Variants in ARHGEF10 observed in about 807,000 individuals in gnomAD.
ARHGEF10 encodes Rho guanine nucleotide exchange factor (GEF) 10.
Under a neutral mutation model 147.4 loss-of-function variants are expected in ARHGEF10, and 140 were observed. The observed-to-expected ratio is 0.95, with a 90% CI of 0.83 to 1.09. The LOEUF (loss-of-function observed/expected upper bound fraction) is 1.09. ARHGEF10 is among the 50% of genes least tolerant of loss of function. The pLI is 0.00. For missense variants in ARHGEF10, 2,222 were observed against 1,752.7 expected, an observed-to-expected ratio of 1.27 and a Z score of -4.78; for synonymous variants, 902 against 695.8, an observed-to-expected ratio of 1.30 and a Z score of -4.67.
intron 9 of ARHGEF10, among the ~76,000 whole-genome samples, chr8:1,881,486 G>A (rs944387507): frequency 3.9e-5 from 6 of 152,252 alleles, no homozygotes; most frequent in Non-Finnish European, 5.9e-5. Flanking sequence ...GGGAGGCAGG[G>A]GACATGGGTG....
intron 8 of ARHGEF10, among the ~76,000 whole-genome samples, chr8:1,877,472 C>T (rs1807806196): frequency 6.6e-6 from 1 of 152,202 alleles, no homozygotes; most frequent in African/African-American, 2.4e-5. Context: ...AGGTGATCTG[C>T]CCACCTCGGC....
At chr8:1,876,857 T>C in intron 8 of ARHGEF10, 123 bp downstream of exon 8, 1 of 1,123,686 alleles carries the variant, frequency 8.9e-7, no homozygotes, top group Non-Finnish European at 1.3e-6. Flanking sequence ...ATAAGTAGTT[T>C]GGGGAAAGCA....
intron 9 of ARHGEF10, among the ~76,000 whole-genome samples, chr8:1,880,779 C>T (rs1456131941): frequency 6.6e-6 from 1 of 152,160 alleles, no homozygotes; most frequent in East Asian, 1.9e-4. Context: ...TGCAATTGGA[C>T]CTTTTATCCT....
intron 26 of ARHGEF10, chr8:1,943,997 C>G (rs948213260): frequency 2.0e-5 from 3 of 151,464 alleles, no homozygotes; most frequent in Admixed American, 1.3e-4. Flanking sequence ...GCTCAAGACC[C>G]ACAGTGATGG....
rs1483572423 is a variant in ARHGEF10 at position 1,937,835 on chromosome 8, T to C, written c.3222+3893T>C. Among the ~76,000 whole-genome samples, 1 of 151,938 alleles carries C rather than the reference T, an allele frequency of 6.6e-6. No individual in the cohort carries two copies. The highest frequency in any genetic ancestry group is 2.4e-5 in the African/African-American group (1 of 41,378). ...GTGATCTGGGCTTGGGTTGAGCGGG[T>C]TGGGAGATGCTAGCCATATTTGGAA... On this transcript the variant is annotated intron_variant, in intron 26 of 28. Coordinates refer to ENST00000349830, the MANE Select transcript of ARHGEF10 (RefSeq NM_014629.4). This position sits in a 1 kb window ranked among gnomAD's most constrained non-coding sequence, Gnocchi z 4.9.
intron 7 of ARHGEF10, chr8:1,869,819 A>G (rs1402918487): frequency 5.7e-6 from 1 of 174,830 alleles, no homozygotes; most frequent in Non-Finnish European, 1.2e-5. Flanking sequence ...CCACTGACCC[A>G]CAGGCTGGGG....
chr8:1,829,556 C>A (rs544597690), intron 1 of ARHGEF10, among the ~76,000 whole-genome samples: 1 of 152,242 alleles, frequency 6.6e-6, no homozygotes, highest in East Asian at 1.9e-4. Context: ...CCCTGACCCA[C>A]GTCCAGCTGC....
intron 14 of ARHGEF10, among the ~76,000 whole-genome samples, chr8:1,897,561 G>A (rs1432319176): frequency 1.3e-5 from 2 of 150,022 alleles, no homozygotes; most frequent in African/African-American, 5.0e-5. Context: ...GACAGCTGTG[G>A]GCTCTGTCCT....
At chr8:1,898,966 T>TA (rs1456371748) in intron 15 of ARHGEF10, among the ~76,000 whole-genome samples, 1 of 152,220 alleles carries the variant, frequency 6.6e-6, no homozygotes, top group Non-Finnish European at 1.5e-5. Context: ...CTTGGAAAGC[T>TA]AAGAATAGAT....
rs1385445961 is a variant in ARHGEF10, at chr8:1,839,177, G to A, written c.-47-4176G>A. Among the ~76,000 whole-genome samples the A allele has an allele frequency of 2.1e-4, 28 of 135,866 alleles. 2 individuals are homozygous for A. Among genetic ancestry groups the A allele is most frequent in the Admixed American group, 3.6e-4 (5 of 13,762 alleles). The allele number at this position is 135,866 out of a possible 152,430, so 89.1% of individuals were successfully genotyped here. The stretch of plus-strand genomic sequence containing the variant: ...CTGTCCGGTGTGGGGACAGTCTGGT[G>A]TGGGGACTGTCTGATGTGGGGACTG... On this transcript the variant is annotated intron_variant, in intron 1 of 28. Transcript: ENST00000349830.
intron 5 of ARHGEF10, 34 bp downstream of exon 5, chr8:1,864,470 T>A: frequency 6.3e-7 from 1 of 1,599,244 alleles, no homozygotes; most frequent in Admixed American, 1.7e-5. Context: ...CCTGCTGAAT[T>A]CCCGCCTTTC....
chr8:1,930,496 G>A (rs879523608), intron 25 of ARHGEF10, among the ~76,000 whole-genome samples: 3 of 105,012 alleles, frequency 2.9e-5, no homozygotes, highest in Non-Finnish European at 4.0e-5. Context: ...TACCCTCCCC[G>A]CCCCCCCGCT....
At position 1,902,023 on chromosome 8, in the gene ARHGEF10, G is replaced by A. The variant is rs191664463; in HGVS notation, c.1651-1258G>A. ...TCACTCTAAGTTCTGGGATATGTGT[G>A]CAGAATGTGCAGGTTTGTTCCATAG... On this transcript the variant is annotated intron_variant, in intron 15 of 28. Coordinates refer to ENST00000349830, the MANE Select transcript of ARHGEF10 (RefSeq NM_014629.4). Among the ~76,000 whole-genome samples, 1,328 of 151,912 alleles carry A rather than the reference G, an allele frequency of 8.7e-3. 11 individuals are homozygous for A. The highest frequency in any genetic ancestry group is 0.039 in the South Asian group (185 of 4,796).
chr8:1,834,006 C>A (rs1803429479), intron 1 of ARHGEF10, among the ~76,000 whole-genome samples: 2 of 152,204 alleles, frequency 1.3e-5, no homozygotes, highest in Non-Finnish European at 2.9e-5. Flanking sequence ...GCAGCTCCAG[C>A]CCTCCCGGGG....
chr8:1,847,984 C>T (rs573841101), intron 2 of ARHGEF10, among the ~76,000 whole-genome samples: 14 of 152,318 alleles, frequency 9.2e-5, no homozygotes, highest in South Asian at 6.2e-4. Context: ...ACAGTCAGAG[C>T]GCTGTCTGCT....
rs112954668 is a variant in ARHGEF10, at chr8:1,928,655, G to C, written c.2921+5G>C. 1.3e-3 allele frequency: 2,038 copies of C among 1,613,940 alleles called. 7 individuals are homozygous for C. The Middle Eastern group carries it at 0.021, about 17-fold the overall frequency. On this transcript the variant is annotated splice_donor_5th_base_variant and intron_variant, in intron 24 of 28. Coordinates refer to ENST00000349830, the MANE Select transcript of ARHGEF10 (RefSeq NM_014629.4). ...TGTAGGGACGGAGGAGGGAAGGTAG[G>C]GCATGCTCACTGCGTTACAGAGAAT...
In ARHGEF10 at chr8:1,954,142, G is replaced by A. The variant is rs1001854506; in HGVS notation, c.3520+1315G>A. ...GTAGTCTCACTCTGGCACCCAGGAC[G>A]GAGTCCAGTGGCACAGTCTCGGCTC... On this transcript the variant is annotated intron_variant, in intron 28 of 28. Coordinates refer to ENST00000349830, the MANE Select transcript of ARHGEF10 (RefSeq NM_014629.4). 4.0e-5 allele frequency among the ~76,000 whole-genome samples: 6 copies of A among 151,794 alleles called. No individual in the cohort carries two copies. In the East Asian group the frequency reaches 5.8e-4, roughly 15 times the overall value.
intron 7 of ARHGEF10, among the ~76,000 whole-genome samples, chr8:1,871,649 C>A (rs1230941214): frequency 1.3e-5 from 2 of 152,144 alleles, no homozygotes; most frequent in East Asian, 3.9e-4. Context: ...GAAACCCCAT[C>A]TCTACTAAAA....
At chr8:1,861,779 T>G (rs1016991529) in intron 4 of ARHGEF10, among the ~76,000 whole-genome samples, 2 of 152,220 alleles carry the variant, frequency 1.3e-5, no homozygotes, top group African/African-American at 4.8e-5. Flanking sequence ...ACGCTGCTGT[T>G]GTCACTCTGT....
Sources: allele counts gnomAD v4.1 joint callset (sites outside exome capture counted in the v4.1 genomes callset), GRCh38; gene constraint gnomAD v4.1.1; non-coding constraint Gnocchi (gnomAD v3.1); transcripts MANE v1.5; gene names NCBI Gene and HGNC (gene_info 2026-07-23, HGNC 2026-07-21).